The following DCDC1 variants were observed in gnomAD, a reference collection of about 807,000 sequenced individuals.
The protein encoded by DCDC1 is doublecortin domain containing 1.
Under a neutral mutation model 178.3 loss-of-function variants are expected in DCDC1, and 200 were observed. The observed-to-expected ratio is 1.12, with a 90% CI of 1.00 to 1.26. The LOEUF (loss-of-function observed/expected upper bound fraction) is 1.26, where lower values mean the gene tolerates loss of function less well. Among genes scored for constraint, DCDC1 ranks in the 50% most tolerant of loss-of-function variants. DCDC1 has a pLI of 0.00. For missense variants in DCDC1, 1,983 were observed against 1,749.2 expected (o/e 1.13, Z -2.38); for synonymous variants, 690 against 604.8 (o/e 1.14, Z -2.07).
chr11:31,032,693 G>A (rs1388529955), intron 20 of DCDC1, among the ~76,000 whole-genome samples: 1 of 152,228 alleles, frequency 6.6e-6, no homozygotes. Flanking sequence ...TCATTCCTTT[G>A]CTATAATTAG....
chr11:31,114,895 A>C (rs1959645928), intron 11 of DCDC1, among the ~76,000 whole-genome samples: 1 of 152,208 alleles, frequency 6.6e-6, no homozygotes, highest in Non-Finnish European at 1.5e-5. Flanking sequence ...GGCTCAAACA[A>C]GAGTATTAAC....
At chr11:30,940,888 T>C (rs1448776936) in intron 21 of DCDC1, among the ~76,000 whole-genome samples, 1 of 152,210 alleles carries the variant, frequency 6.6e-6, no homozygotes, top group South Asian at 2.1e-4. Context: ...TTTAAGGCTA[T>C]AAATTTCCTT....
chr11:31,210,596 A>G (rs942149593), intron 9 of DCDC1, among the ~76,000 whole-genome samples: 2 of 151,864 alleles, frequency 1.3e-5, no homozygotes, highest in Non-Finnish European at 2.9e-5. Flanking sequence ...CTGTAATCCC[A>G]GCTACTCAGG....
rs986585159 is a variant in DCDC1 at position 31,288,484 on chromosome 11, T to C, written c.960+2163A>G. On this transcript the variant is annotated intron_variant, in intron 7 of 38. Transcript: ENST00000684477. ...TAAATAAATGGATTTCCTTTTGATGTTCTACTTATAATTAAAATAGAGTCA... is the reference window on the plus strand; with the variant it reads ...TAAATAAATGGATTTCCTTTTGATGCTCTACTTATAATTAAAATAGAGTCA... Among the ~76,000 whole-genome samples the C allele has an allele frequency of 3.9e-5, 6 of 151,908 alleles. No homozygotes were observed. In the East Asian group the frequency reaches 1.2e-3, roughly 29 times the overall value.
intron 23 of DCDC1, among the ~76,000 whole-genome samples, chr11:30,924,274 G>T (rs1946455079): frequency 6.6e-6 from 1 of 152,160 alleles, no homozygotes; most frequent in South Asian, 2.1e-4. Flanking sequence ...GATTCAAAAT[G>T]AGATCTAGCA....
At chr11:31,345,572 G>A (rs1217090901) in intron 1 of DCDC1, among the ~76,000 whole-genome samples, 4 of 151,566 alleles carry the variant, frequency 2.6e-5, no homozygotes, top group Non-Finnish European at 4.4e-5. Flanking sequence ...GGCCAAAAAT[G>A]GGACACTCTG....
intron 9 of DCDC1, among the ~76,000 whole-genome samples, chr11:31,183,221 T>TG (rs1969054968): frequency 6.6e-6 from 1 of 152,154 alleles, no homozygotes; most frequent in South Asian, 2.1e-4. Context: ...ATTCAGGACT[T>TG]GAACTCAGCT....
At chr11:31,260,384 A>C (rs1031581248) in intron 8 of DCDC1, among the ~76,000 whole-genome samples, 2 of 152,212 alleles carry the variant, frequency 1.3e-5, no homozygotes, top group African/African-American at 4.8e-5. Flanking sequence ...ATTCATCTCT[A>C]TGTTATTGGA....
chr11:31,334,900 A>T (rs1285708129), intron 2 of DCDC1, among the ~76,000 whole-genome samples: 2 of 152,142 alleles, frequency 1.3e-5, no homozygotes, highest in African/African-American at 4.8e-5. Flanking sequence ...CTCTGAGCTC[A>T]AACACAGTGC....
chr11:31,332,805 G>A (rs1950066669), intron 2 of DCDC1, among the ~76,000 whole-genome samples: 1 of 152,178 alleles, frequency 6.6e-6, no homozygotes, highest in Non-Finnish European at 1.5e-5. Context: ...TTCCAACTAT[G>A]TGGTCAATTT....
chr11:31,235,489 T>C (rs921325451), intron 9 of DCDC1, among the ~76,000 whole-genome samples: 1 of 151,912 alleles, frequency 6.6e-6, no homozygotes, highest in Non-Finnish European at 1.5e-5. Context: ...AACACTTAAA[T>C]TGGGATTTTT....
intron 8 of DCDC1, among the ~76,000 whole-genome samples, chr11:31,265,233 G>A (rs139694241): frequency 2.0e-5 from 3 of 152,008 alleles, no homozygotes; most frequent in African/African-American, 4.8e-5. Context: ...TGGCTGTTAC[G>A]TTATAAAAAT....
intron 20 of DCDC1, among the ~76,000 whole-genome samples, chr11:31,013,298 T>C (rs1952282159): frequency 1.3e-5 from 2 of 152,208 alleles, no homozygotes; most frequent in Admixed American, 6.5e-5. Context: ...TTAATATTCA[T>C]AATAAAGACA....
intron 28 of DCDC1, among the ~76,000 whole-genome samples, chr11:30,910,585 G>A (rs894751529): frequency 3.3e-5 from 5 of 152,132 alleles, no homozygotes; most frequent in African/African-American, 1.2e-4. Flanking sequence ...ACAAGAGGAT[G>A]GAAAATACTG....
At chr11:31,369,537 G>A in intron 1 of DCDC1, among the ~76,000 whole-genome samples, 160 bp downstream of exon 1, 1 of 152,134 alleles carries the variant, frequency 6.6e-6, no homozygotes, top group Non-Finnish European at 1.5e-5. Context: ...AGTAGCTCAG[G>A]GTACGGTAAA....
intron 7 of DCDC1, chr11:31,280,982 A>G: frequency 1.6e-6 from 1 of 617,496 alleles, no homozygotes; most frequent in Non-Finnish European, 3.1e-6. Flanking sequence ...TCTCAACATC[A>G]CCCATATTTA....
At chr11:31,331,314 A>G (rs2133118233) in intron 2 of DCDC1, among the ~76,000 whole-genome samples, 1 of 152,366 alleles carries the variant, frequency 6.6e-6, no homozygotes, top group East Asian at 1.9e-4. Context: ...ATGTACAATC[A>G]TGTCATCTGC....
At chr11:31,310,418 A>G (rs1304570413) in intron 3 of DCDC1, among the ~76,000 whole-genome samples, 1 of 143,410 alleles carries the variant, frequency 7.0e-6, no homozygotes, top group African/African-American at 2.6e-5. Flanking sequence ...TCCCAGGTTC[A>G]AGCGATTCTT....
chr11:31,031,355 C>A (rs959258211), intron 20 of DCDC1, among the ~76,000 whole-genome samples: 25 of 151,994 alleles, frequency 1.6e-4, no homozygotes, highest in African/African-American at 5.6e-4. Flanking sequence ...AATCCCCTAA[C>A]CTGGTAATGT....
Sources: gnomAD v4.1 joint callset for allele counts (sites outside exome capture counted in the v4.1 genomes callset) on GRCh38, gnomAD v4.1.1 for gene constraint, MANE v1.5 for transcripts, NCBI Gene and HGNC (gene_info 2026-07-23, HGNC 2026-07-21) for gene names.